Variants in OR2C1 observed in about 807,000 individuals in gnomAD.
OR2C1 encodes olfactory receptor family 2 subfamily C member 1.
For missense variants in OR2C1, 468 were observed against 388.3 expected, an observed-to-expected ratio of 1.21 and a Z score of -1.73; for synonymous variants, 209 against 167.3, an observed-to-expected ratio of 1.25 and a Z score of -1.92.
the OR2C1 span, among the ~76,000 whole-genome samples, chr16:3,333,404 C>T: frequency 6.6e-6 from 1 of 151,710 alleles, no homozygotes; most frequent in Non-Finnish European, 1.5e-5. Flanking sequence ...GGCACGATCT[C>T]GGCTCACTGC....
chr16:3,351,220 CTTTTTCT>C (rs1567284933), upstream of OR2C1, among the ~76,000 whole-genome samples: 1 of 18,648 alleles, frequency 5.4e-5, no homozygotes, highest in African/African-American at 2.1e-4. Flanking sequence ...TTTTCTTTTT[CTTTTTCT>C]TTTTTTTTTT....
upstream of OR2C1, chr16:3,355,879 T>G (rs1414729257): frequency 7.8e-7 from 1 of 1,288,668 alleles, no homozygotes; most frequent in East Asian, 2.3e-5. Flanking sequence ...CAGCTTTTTC[T>G]TGACTTTTCT....
chr16:3,355,948 G>C lies in OR2C1; in HGVS notation c.8G>C (p.Gly3Ala). Residue 3 changes from glycine to alanine, a missense_variant, in exon 1 of 1, where the codon GGG becomes GCG. Gly to Ala is a moderately conservative substitution (Grantham distance 60). Transcript: ENST00000304936. ...GACTGAAGACAACCAGTGATGGACG[G>C]GGTGAATGATAGCTCCTTGCAGGGC... MD[G>A]VNDSSLQGFV... 1 of 1,605,572 alleles carries C rather than the reference G, an allele frequency of 6.2e-7. No homozygotes were observed. The highest frequency in any genetic ancestry group is 8.5e-7 in the Non-Finnish European group (1 of 1,174,798).
the OR2C1 span, among the ~76,000 whole-genome samples, chr16:3,331,316 A>G: frequency 6.6e-6 from 1 of 151,110 alleles, no homozygotes; most frequent in African/African-American, 2.4e-5. Flanking sequence ...GGTTGCGAAA[A>G]TTTTCTCCCA....
the OR2C1 span, among the ~76,000 whole-genome samples, chr16:3,331,238 G>GT: frequency 6.6e-6 from 1 of 152,076 alleles, no homozygotes; most frequent in South Asian, 2.1e-4. Context: ...GGGGTTGTTT[G>GT]TTTTTTTCTT....
At chr16:3,346,050 G>A in the OR2C1 span, among the ~76,000 whole-genome samples, 1 of 152,074 alleles carries the variant, frequency 6.6e-6, no homozygotes, top group Non-Finnish European at 1.5e-5. Context: ...GCCCAGGCTG[G>A]TCTTGAACTC....
chr16:3,335,955 T>C, the OR2C1 span, among the ~76,000 whole-genome samples: 3 of 152,348 alleles, frequency 2.0e-5, no homozygotes, highest in Non-Finnish European at 4.4e-5. Flanking sequence ...CAGTATTATG[T>C]TGAAGACAAG....
chr16:3,343,050 A>G, the OR2C1 span, among the ~76,000 whole-genome samples: 60 of 152,194 alleles, frequency 3.9e-4, no homozygotes, highest in Non-Finnish European at 6.2e-4. Flanking sequence ...AATAAAATAG[A>G]TGAATGGTAT....
upstream of OR2C1, among the ~76,000 whole-genome samples, chr16:3,355,693 G>A (rs1456730053): frequency 2.0e-5 from 3 of 151,650 alleles, no homozygotes; most frequent in Non-Finnish European, 2.9e-5. Context: ...GAGACAAGAG[G>A]ATTGCTTGAG....
the OR2C1 span, among the ~76,000 whole-genome samples, chr16:3,343,785 A>T: frequency 6.6e-6 from 1 of 152,012 alleles, no homozygotes; most frequent in African/African-American, 2.4e-5. Context: ...AGCACAAACC[A>T]ACATTAAGAC....
chr16:3,339,719 G>C, the OR2C1 span, among the ~76,000 whole-genome samples: 3 of 152,066 alleles, frequency 2.0e-5, no homozygotes, highest in African/African-American at 7.2e-5. Context: ...GCCTCCCAAA[G>C]TGTTGGGATT....
chr16:3,352,705 A>G (rs185425589), upstream of OR2C1, among the ~76,000 whole-genome samples: 35 of 150,506 alleles, frequency 2.3e-4, no homozygotes, highest in Admixed American at 1.7e-3. Context: ...TTGGAAGAAG[A>G]TGAGCAGTGT....
At chr16:3,352,718 TTCTG>T (rs1443760645), upstream of OR2C1, among the ~76,000 whole-genome samples, 3 of 147,586 alleles carry the variant, frequency 2.0e-5, no homozygotes, top group East Asian at 2.0e-4. Context: ...AGCAGTGTCT[TTCTG>T]TCTGTTTCTT....
At chr16:3,353,328 TA>T (rs955494011), upstream of OR2C1, among the ~76,000 whole-genome samples, 1 of 149,876 alleles carries the variant, frequency 6.7e-6, no homozygotes, top group African/African-American at 2.5e-5. Context: ...CCATCTCTAC[TA>T]AAAACACAAA....
At chr16:3,326,785 G>A in the OR2C1 span, among the ~76,000 whole-genome samples, 4 of 152,218 alleles carry the variant, frequency 2.6e-5, no homozygotes, top group African/African-American at 9.6e-5. Context: ...GATGACGCAT[G>A]TAACCCAGTA....
upstream of OR2C1, among the ~76,000 whole-genome samples, chr16:3,354,010 G>T (rs139505532): frequency 0.011 from 1,606 of 144,894 alleles, 24 homozygotes; most frequent in African/African-American, 0.039. Context: ...TTGAGACAGA[G>T]TCTAGCTCTG....
At chr16:3,343,987 T>C in the OR2C1 span, among the ~76,000 whole-genome samples, 1 of 151,276 alleles carries the variant, frequency 6.6e-6, no homozygotes, top group Non-Finnish European at 1.5e-5. Flanking sequence ...GGGAGGCCAA[T>C]GTGGGGGGAT....
At chr16:3,331,386 G>A in the OR2C1 span, among the ~76,000 whole-genome samples, 1 of 151,570 alleles carries the variant, frequency 6.6e-6, no homozygotes, top group East Asian at 1.9e-4. Flanking sequence ...AAGCTCTTTA[G>A]TTTAATTAGA....
rs1218762 is a variant in OR2C1, at chr16:3,355,986, G to A, written c.46G>A (p.Gly16Ser). 0.28 allele frequency: 449,192 copies of A among 1,611,448 alleles called. 64,050 individuals are homozygous for A. Among genetic ancestry groups the A allele is most frequent in the African/African-American group, 0.35 (26,128 of 74,820 alleles). ...DSSLQGFVLM[G>S]ISDHPQLEMI... ...CTCCTTGCAGGGCTTTGTTCTGATGGGCATATCAGACCATCCCCAGCTGGA... is the reference window on the plus strand; with the variant it reads ...CTCCTTGCAGGGCTTTGTTCTGATGAGCATATCAGACCATCCCCAGCTGGA... Residue 16 changes from glycine to serine, a missense_variant, in exon 1 of 1, where the codon GGC becomes AGC. Coordinates refer to ENST00000304936, the MANE Select transcript of OR2C1 (RefSeq NM_012368.3).
Sources: gnomAD v4.1 joint callset for allele counts (sites outside exome capture counted in the v4.1 genomes callset) on GRCh38, gnomAD v4.1.1 for gene constraint, MANE v1.5 for transcripts, NCBI Gene and HGNC (gene_info 2026-07-23, HGNC 2026-07-21) for gene names.